Variants in MYT1 observed in about 807,000 individuals in gnomAD.
MYT1 encodes myelin transcription factor I.
A neutral mutation model predicts 123.0 loss-of-function variants in MYT1; 23 were observed. That is an observed-to-expected ratio of 0.19 (90% CI 0.13 to 0.26). The LOEUF (loss-of-function observed/expected upper bound fraction) is 0.26. MYT1 is among the 10% of genes least tolerant of loss of function. The probability of loss-of-function intolerance (pLI) is 1.00; values close to 1 mark genes in which losing one functional copy is unlikely to be tolerated. For synonymous variants in MYT1, 518 were observed against 575.3 expected (o/e 0.90, Z 1.43); for missense variants, 1,125 against 1,472.5 (o/e 0.76, Z 3.86).
rs552219341 is a variant in MYT1, at chr20:64,196,127, A to G, written c.1-2735A>G. Among the ~76,000 whole-genome samples the G allele has an allele frequency of 1.3e-5, 2 of 152,314 alleles. No homozygotes were observed. The highest frequency in any genetic ancestry group is 4.1e-4 in the South Asian group (2 of 4,820). On this transcript the variant is annotated intron_variant, in intron 2 of 22. Transcript: ENST00000328439. The surrounding 1 kb of genome is among the most constrained non-coding windows in gnomAD (Gnocchi z 4.3). ...ACCGGGCTATCTGTGGGTTGCGCAA[A>G]AAAGGGACCTGGTTGGCTTGTGTTT... is the stretch of plus-strand genomic sequence containing the variant.
Position 64,168,792 on chromosome 20 carries a change from A to G in MYT1, c.-99+4053A>G, listed in dbSNP as rs112811367. On this transcript the variant is annotated intron_variant, in intron 1 of 22. Transcript: ENST00000328439. This position sits in a 1 kb window ranked among gnomAD's most constrained non-coding sequence, Gnocchi z 6.1. ...GGAGGGTGCAGGTTGGATGGTCCTC[A>G]GGAAGTAGGCTGCAGCGCTCTGCAG... Among the ~76,000 whole-genome samples the G allele has an allele frequency of 8.7e-3, 1,322 of 152,320 alleles. 12 individuals are homozygous for G. Among genetic ancestry groups the G allele is most frequent in the Middle Eastern group, 0.054 (16 of 294 alleles).
chr20:64,208,040 G>A lies in MYT1; in HGVS notation c.844G>A (p.Glu282Lys). 6.2e-7 allele frequency: 1 copy of A among 1,601,736 alleles called. No homozygotes were observed. The highest frequency in any genetic ancestry group is 1.7e-5 in the Admixed American group (1 of 59,460). ...GGATGAAGAAGAGGAAGAGGAAGAG[G>A]AGGAGGAAGAGGAAGAGGAGGAGGA... is the stretch of plus-strand genomic sequence containing the variant. The part of the protein sequence containing the change: ...EEDEEEEEEE[E>K]EEEEEEEEEE... The change falls in exon 7 of 23, where the codon GAG becomes AAG. Residue 282 changes from glutamate (E) to lysine (K), a missense_variant. Physicochemically the swap from Glu to Lys is moderately conservative, Grantham distance 56. Coordinates refer to ENST00000328439, the MANE Select transcript of MYT1 (RefSeq NM_004535.3). This position sits in a 1 kb window ranked among gnomAD's most constrained non-coding sequence, Gnocchi z 5.4.
intron 16 of MYT1, among the ~76,000 whole-genome samples, chr20:64,224,487 G>A (rs1385626362): frequency 6.6e-6 from 1 of 152,218 alleles, no homozygotes; most frequent in African/African-American, 2.4e-5. Context: ...CAGGAGGAGT[G>A]TGTCATGAGG....
chr20:64,210,362 G>C (rs1464989826), intron 7 of MYT1, among the ~76,000 whole-genome samples: 1 of 152,250 alleles, frequency 6.6e-6, no homozygotes, highest in Non-Finnish European at 1.5e-5. Context: ...CACAGATGCT[G>C]CGAGAATTCT....
rs1983656150 is a variant in MYT1, at chr20:64,211,214, A to G, written c.1300A>G (p.Arg434Gly). The change falls in exon 8 of 23, where the codon AGA (arginine) becomes GGA (glycine). Residue 434 changes from arginine (R) to glycine (G), a missense_variant. Arg to Gly is a moderately radical substitution (Grantham distance 125). Coordinates refer to ENST00000328439, the MANE Select transcript of MYT1 (RefSeq NM_004535.3). ...RKSYYSKDPS[R>G]AEKREIKCPT... ...TGACTTGTGTGTTTTAGATCCTTCA[A>G]GAGCTGAGAAGCGTGAGATCAAGTG... is the stretch of plus-strand genomic sequence containing the variant. 1 of 1,613,086 alleles carries G rather than the reference A, an allele frequency of 6.2e-7. No homozygotes were observed. The highest frequency in any genetic ancestry group is 8.5e-7 in the Non-Finnish European group (1 of 1,179,346).
intron 19 of MYT1, among the ~76,000 whole-genome samples, chr20:64,233,087 CT>C (rs368114071): frequency 6.7e-5 from 10 of 149,694 alleles, no homozygotes; most frequent in African/African-American, 2.5e-4. Context: ...ATTCCCTCCC[CT>C]GTCCCTCCCC....
chr20:64,234,745 A>ATGTGACCCTGGGATGGTCATGGTG (rs1984449384), intron 19 of MYT1, among the ~76,000 whole-genome samples: 1 of 104,390 alleles, frequency 9.6e-6, no homozygotes. Flanking sequence ...TGGCCGTGGT[A>ATGTGACCCTGGGATGGTCATGGTG]TGTGACCCGG....
chr20:64,178,608 G>A (rs112156025), intron 1 of MYT1, among the ~76,000 whole-genome samples: 12 of 137,396 alleles, frequency 8.7e-5, no homozygotes, highest in South Asian at 7.3e-4. Context: ...GCCGTTATTC[G>A]GTGAGATACC....
chr20:64,213,758 T>A lies in MYT1; in HGVS notation c.1631+111T>A. ...ATGTGTGTGAGTGCATGTGTGTGAG[T>A]GTACGTGCATGTGAGTGTACGTGCA... is the stretch of plus-strand genomic sequence containing the variant. On this transcript the variant is annotated intron_variant, in intron 10 of 22. Transcript: ENST00000328439. This position sits in a 1 kb window ranked among gnomAD's most constrained non-coding sequence, Gnocchi z 5.6. The A allele has an allele frequency of 1.2e-6, 1 of 852,690 alleles. No individual in the cohort carries two copies. The highest frequency in any genetic ancestry group is 1.9e-6 in the Non-Finnish European group (1 of 529,360). The allele number at this position is 852,690 out of a possible 1,614,324, so 52.8% of individuals were successfully genotyped here. A position where few individuals can be genotyped will look rare whatever the true frequency, so the allele number is the denominator to read the frequency against.
intron 19 of MYT1, 88 bp from the exon 20 acceptor site, chr20:64,236,467 G>T: frequency 9.7e-7 from 1 of 1,026,354 alleles, no homozygotes; most frequent in South Asian, 1.4e-5. Flanking sequence ...CGTGGTATGT[G>T]ACCCTGGGCT....
chr20:64,222,711 A>G (rs771680277), intron 14 of MYT1, among the ~76,000 whole-genome samples: 8 of 152,116 alleles, frequency 5.3e-5, no homozygotes, highest in Non-Finnish European at 1.0e-4. Context: ...CTTCTCCCCA[A>G]CCTGAACCCC....
At position 64,192,287 on chromosome 20, in the gene MYT1, A is replaced by G. The variant is rs1001902854; in HGVS notation, c.-1+2127A>G. 3.9e-5 allele frequency among the ~76,000 whole-genome samples: 6 copies of G among 152,218 alleles called. No individual in the cohort carries two copies. The highest frequency in any genetic ancestry group is 3.3e-4 in the Admixed American group (5 of 15,282). The stretch of plus-strand genomic sequence containing the variant: ...TCTGAATAGAGAAGCTAAGATGAAA[A>G]GTGTGCCAGAGAAGGCGAGAGGATG... On this transcript the variant is annotated intron_variant, in intron 2 of 22. Coordinates refer to ENST00000328439, the MANE Select transcript of MYT1 (RefSeq NM_004535.3). The surrounding 1 kb of genome is among the most constrained non-coding windows in gnomAD (Gnocchi z 5.3).
In MYT1 at chr20:64,205,647, G is replaced by C. The variant is rs774304122; in HGVS notation, c.244G>C (p.Ala82Pro). The C allele has an allele frequency of 1.4e-5, 22 of 1,614,258 alleles. No individual in the cohort carries two copies. The East Asian group carries it at 4.9e-4, about 36-fold the overall frequency. ...GAGGAAGTCACACCCCCTGAAGCTG[G>C]CTCTGGACGAGGGCTATGGTGTGGA... ...SKRKSHPLKL[A>P]LDEGYGVDSD... The change falls in exon 6 of 23, where the codon GCT becomes CCT. Residue 82 changes from alanine (A) to proline (P), a missense_variant. Physicochemically the swap from Ala to Pro is conservative, Grantham distance 27. Coordinates refer to ENST00000328439, the MANE Select transcript of MYT1 (RefSeq NM_004535.3).
chr20:64,198,773 C>T, intron 2 of MYT1, 89 bp from the exon 3 acceptor site: 1 of 1,431,174 alleles, frequency 7.0e-7, no homozygotes, highest in Non-Finnish European at 9.8e-7. Flanking sequence ...AAAGCTTGAG[C>T]CAGAAAATGG....
chr20:64,206,212 G>A (rs1335265300), intron 6 of MYT1, among the ~76,000 whole-genome samples: 1 of 152,160 alleles, frequency 6.6e-6, no homozygotes, highest in Non-Finnish European at 1.5e-5. Context: ...CTGCCTGGGG[G>A]CATGGGTGAG....
intron 1 of MYT1, among the ~76,000 whole-genome samples, chr20:64,170,878 TATATATAG>T (rs1233948570): frequency 1.8e-4 from 10 of 55,638 alleles, no homozygotes; most frequent in African/African-American, 4.2e-4. Flanking sequence ...TATATATATA[TATATATAG>T]AGAGAGAGAG....
intron 1 of MYT1, among the ~76,000 whole-genome samples, chr20:64,169,611 G>A (rs954423326): frequency 3.9e-5 from 6 of 152,164 alleles, no homozygotes; most frequent in Non-Finnish European, 7.3e-5. Context: ...TGAATACTTG[G>A]TTGTCAGTCG....
Position 64,208,306 on chromosome 20 carries a change from G to T in MYT1, c.1110G>T (p.Gln370His). Reference protein sequence around the residue: ...KSTVTDESEMQDMMTRGNLGL... With the variant: ...KSTVTDESEMHDMMTRGNLGL... Reference sequence around the variant, plus strand: ...CAGTCACTGACGAGTCGGAGATGCAGGACATGATGACCCGGGGAAACCTGG... The same window carrying T: ...CAGTCACTGACGAGTCGGAGATGCATGACATGATGACCCGGGGAAACCTGG... Residue 370 changes from glutamine (Q) to histidine (H), a missense_variant, in exon 7 of 23, where the codon CAG (glutamine) becomes CAT (histidine). By Grantham distance (24) the Gln-to-His change is conservative. This residue lies in a region of MYT1 where 429 missense variants were observed against 604.1 expected (regional missense o/e 0.71). Coordinates refer to ENST00000328439, the MANE Select transcript of MYT1 (RefSeq NM_004535.3). This position sits in a 1 kb window ranked among gnomAD's most constrained non-coding sequence, Gnocchi z 5.4. 1.2e-6 allele frequency: 2 copies of T among 1,614,170 alleles called. No individual in the cohort carries two copies. The highest frequency in any genetic ancestry group is 1.7e-6 in the Non-Finnish European group (2 of 1,180,032).
In MYT1 at chr20:64,214,141, G is replaced by T. The variant is rs114803668; in HGVS notation, c.1631+494G>T. ...GACCCCAAGTCAAGGAAGAGGGTGG[G>T]TGCAGGCTTTGCTCCCCAGAGTGCT... On this transcript the variant is annotated intron_variant, in intron 10 of 22. Coordinates refer to ENST00000328439, the MANE Select transcript of MYT1 (RefSeq NM_004535.3). Among the ~76,000 whole-genome samples the T allele has an allele frequency of 9.6e-3, 1,458 of 152,360 alleles. 28 individuals are homozygous for T. The highest frequency in any genetic ancestry group is 0.033 in the African/African-American group (1,383 of 41,586).
Sources: gnomAD v4.1 joint callset for allele counts (sites outside exome capture counted in the v4.1 genomes callset) on GRCh38, gnomAD v4.1.1 for gene constraint, gnomAD v4.1.1 regional missense constraint, Gnocchi (gnomAD v3.1) non-coding constraint, MANE v1.5 for transcripts, NCBI Gene and HGNC (gene_info 2026-07-23, HGNC 2026-07-21) for gene names.